Variants in VSNL1 observed in about 807,000 individuals in gnomAD.
VSNL1 encodes visinin like 1, also known as visinin-like protein 1.
In VSNL1, 6 loss-of-function variants were observed where a neutral mutation model predicts 20.4. The ratio of observed to expected loss-of-function variants is 0.29; its 90% confidence interval spans 0.16 to 0.58. The LOEUF (loss-of-function observed/expected upper bound fraction) is 0.58. Ranked by LOEUF, VSNL1 falls within the 20% of genes least tolerant of loss-of-function variation. VSNL1 has a pLI of 0.90. For synonymous variants in VSNL1, 93 were observed against 86.4 expected (o/e 1.08, Z -0.42); for missense variants, 100 against 234.5 (o/e 0.43, Z 3.75).
chr2:17,584,563 T>G (rs1396872334), intron 1 of VSNL1, among the ~76,000 whole-genome samples: 1 of 151,844 alleles, frequency 6.6e-6, no homozygotes, highest in Non-Finnish European at 1.5e-5. Context: ...CAGCCCAGAG[T>G]CAGGGATATA....
intron 2 of VSNL1, among the ~76,000 whole-genome samples, chr2:17,627,719 A>T (rs1665544213): frequency 6.6e-6 from 1 of 152,204 alleles, no homozygotes; most frequent in South Asian, 2.1e-4. Context: ...CAAAAAGCAG[A>T]TCTTAGGTTC....
chr2:17,582,114 A>G (rs1214872623), intron 1 of VSNL1, among the ~76,000 whole-genome samples: 4 of 152,234 alleles, frequency 2.6e-5, no homozygotes, highest in Admixed American at 2.6e-4. Flanking sequence ...AACTGCCCTC[A>G]GAGCAAAAGG....
chr2:17,629,717 A>G (rs528790456), intron 2 of VSNL1, among the ~76,000 whole-genome samples: 31 of 152,354 alleles, frequency 2.0e-4, no homozygotes, highest in African/African-American at 6.7e-4. Context: ...GCTGTGTTAT[A>G]GATTGTACCC....
chr2:17,642,309 C>CTTTTTTTTTTTTTTTTTTTT (rs577471307), intron 2 of VSNL1, among the ~76,000 whole-genome samples: 4,366 of 92,820 alleles, frequency 0.047, 1,028 homozygotes, highest in Non-Finnish European at 0.071. Context: ...GTGAGCATTC[C>CTTTTTTTTTTTTTTTTTTTT]TTTTTTTTTT....
In VSNL1 at chr2:17,649,676, C is replaced by T. The variant is rs766520926; in HGVS notation, c.378+51C>T. 2.3e-5 allele frequency: 36 copies of T among 1,570,308 alleles called. No individual in the cohort carries two copies. The East Asian group carries it at 2.9e-4, about 13-fold the overall frequency. On this transcript the variant is annotated intron_variant, in intron 3 of 3. Transcript: ENST00000295156. The surrounding 1 kb of genome is among the most constrained non-coding windows in gnomAD (Gnocchi z 6.4). ...GTGGTGGGCACAGAAGGAGACCCCA[C>T]GGCAGCCTCCTAGGTGCAGGCCTTA...
chr2:17,560,822 A>G (rs1245049209), intron 1 of VSNL1, among the ~76,000 whole-genome samples: 1 of 152,222 alleles, frequency 6.6e-6, no homozygotes, highest in Non-Finnish European at 1.5e-5. Context: ...ATGCTTTAGA[A>G]GATAGATCTC....
At chr2:17,605,226 T>A (rs917856831) in intron 2 of VSNL1, among the ~76,000 whole-genome samples, 4 of 152,186 alleles carry the variant, frequency 2.6e-5, no homozygotes, top group African/African-American at 9.7e-5. Flanking sequence ...GGCACTGCTG[T>A]CTGATTATGC....
rs143653668 is a variant in VSNL1 at position 17,634,783 on chromosome 2, C to T, written c.163-14627C>T. Among the ~76,000 whole-genome samples, 96 of 152,290 alleles carry T rather than the reference C, an allele frequency of 6.3e-4. No individual in the cohort carries two copies. Among genetic ancestry groups the T allele is most frequent in the African/African-American group, 1.7e-3 (72 of 41,566 alleles). On this transcript the variant is annotated intron_variant, in intron 2 of 3. Coordinates refer to ENST00000295156, the MANE Select transcript of VSNL1 (RefSeq NM_003385.5). This position sits in a 1 kb window ranked among gnomAD's most constrained non-coding sequence, Gnocchi z 4.3. ...CCCATAGTCACACAGTTCCATCCCA[C>T]CCACTTCGTGCTCTGGTGCTGCTTC...
intron 2 of VSNL1, among the ~76,000 whole-genome samples, chr2:17,644,240 G>A (rs1419348816): frequency 6.6e-6 from 1 of 152,184 alleles, no homozygotes; most frequent in Non-Finnish European, 1.5e-5. Context: ...AGCATCTAAG[G>A]GCACATGAGA....
In VSNL1 at chr2:17,649,599, C is replaced by T. The variant is rs775730061; in HGVS notation, c.352C>T (p.Arg118Ter). 1.2e-6 allele frequency: 2 copies of T among 1,614,096 alleles called. No homozygotes were observed. Among genetic ancestry groups the T allele is most frequent in the East Asian group, 2.2e-5 (1 of 44,864 alleles). The change falls in exon 3 of 4, where the codon CGA becomes TGA. Residue 118 changes from arginine to a stop codon, truncating the protein, a stop_gained. Transcript: ENST00000295156. LOFTEE classifies it high-confidence loss of function. This position sits in a 1 kb window ranked among gnomAD's most constrained non-coding sequence, Gnocchi z 6.4. ...CCTGGATGGTGATGGCAAGATCACC[C>T]GAGTGGAGATGCTGGAGATCATCGA... ...YDLDGDGKIT[R>*]VEMLEIIEAI...
At chr2:17,637,928 G>A (rs1260161303) in intron 2 of VSNL1, among the ~76,000 whole-genome samples, 2 of 152,122 alleles carry the variant, frequency 1.3e-5, no homozygotes, top group African/African-American at 4.8e-5. Flanking sequence ...ACTCCCCCAC[G>A]GCCCTGGATA....
At chr2:17,611,424 G>A (rs1665083456) in intron 2 of VSNL1, among the ~76,000 whole-genome samples, 1 of 152,224 alleles carries the variant, frequency 6.6e-6, no homozygotes, top group Admixed American at 6.5e-5. Flanking sequence ...CCAGCTCTGT[G>A]GTGAGGGTGT....
intron 2 of VSNL1, among the ~76,000 whole-genome samples, chr2:17,604,637 A>T (rs1664902952): frequency 6.6e-6 from 1 of 152,250 alleles, no homozygotes; most frequent in African/African-American, 2.4e-5. Flanking sequence ...TGGCTGCTAC[A>T]GGTGGCCCCT....
chr2:17,627,141 C>T (rs1052017215), intron 2 of VSNL1, among the ~76,000 whole-genome samples: 5 of 152,326 alleles, frequency 3.3e-5, no homozygotes, highest in South Asian at 2.1e-4. Context: ...CATCACAGCC[C>T]GTGGCTGCCT....
rs141716127 is a variant in VSNL1, at chr2:17,635,857, T to C, written c.163-13553T>C. Among the ~76,000 whole-genome samples the C allele has an allele frequency of 4.2e-3, 632 of 152,224 alleles. 2 individuals carry two copies. Among genetic ancestry groups the C allele is most frequent in the Middle Eastern group, 6.8e-3 (2 of 294 alleles). ...CATGGGATTTATCTTTTCACACCCA[T>C]GGAAACTGAGGCTTACAAGCAAAGT... On this transcript the variant is annotated intron_variant, in intron 2 of 3. Coordinates refer to ENST00000295156, the MANE Select transcript of VSNL1 (RefSeq NM_003385.5).
At chr2:17,583,053 T>A (rs1237456594) in intron 1 of VSNL1, among the ~76,000 whole-genome samples, 1 of 152,160 alleles carries the variant, frequency 6.6e-6, no homozygotes, top group Non-Finnish European at 1.5e-5. Context: ...TTAGAATTAC[T>A]GTAGAGATAA....
chr2:17,540,811 C>T lies in VSNL1; in HGVS notation c.-113C>T, dbSNP rs901477254. 16 of 152,776 alleles carry T rather than the reference C, an allele frequency of 1.0e-4. No individual in the cohort carries two copies. The highest frequency in any genetic ancestry group is 3.9e-4 in the Admixed American group (6 of 15,302). 9.5% of individuals were successfully genotyped at this position (152,776 alleles called of 1,614,324 possible). On this transcript the variant is annotated 5_prime_UTR_variant, in exon 1 of 4. Transcript: ENST00000295156. ...CAGAGAAAAAGAGAGCGAGAGAGAA[C>T]CACACACAGAGACGGCTTAAGCGTT... is the stretch of plus-strand genomic sequence containing the variant.
In VSNL1 at chr2:17,620,768, CA is replaced by C. The variant is rs570535676; in HGVS notation, c.162+28541del. ...AAATAAAAGAGGGTATAATATAGTACAAAAAAAAATTGCAAAGATCATACAA... is the reference window on the plus strand; with the variant it reads ...AAATAAAAGAGGGTATAATATAGTACAAAAAAAATTGCAAAGATCATACAA... On this transcript the variant is annotated intron_variant, in intron 2 of 3. Coordinates refer to ENST00000295156, the MANE Select transcript of VSNL1 (RefSeq NM_003385.5). Among the ~76,000 whole-genome samples the C allele has an allele frequency of 3.1e-3, 465 of 151,134 alleles. 1 individual carries two copies. Among genetic ancestry groups the C allele is most frequent in the African/African-American group, 0.01 (432 of 41,256 alleles).
At chr2:17,554,348 G>A (rs1663622163) in intron 1 of VSNL1, among the ~76,000 whole-genome samples, 2 of 152,142 alleles carry the variant, frequency 1.3e-5, no homozygotes, top group African/African-American at 4.8e-5. Context: ...GGTTCCTATG[G>A]TAGATAATTA....
Sources: allele counts gnomAD v4.1 joint callset (sites outside exome capture counted in the v4.1 genomes callset), GRCh38; gene constraint gnomAD v4.1.1; non-coding constraint Gnocchi (gnomAD v3.1); transcripts MANE v1.5; gene names NCBI Gene and HGNC (gene_info 2026-07-23, HGNC 2026-07-21).